The following PDE10A variants were observed in gnomAD, a reference collection of about 807,000 sequenced individuals.
PDE10A encodes the protein cAMP and cAMP-inhibited cGMP 3',5'-cyclic phosphodiesterase 10A.
In PDE10A, 39 loss-of-function variants were observed where a neutral mutation model predicts 97.7. The observed-to-expected ratio is 0.40, with a 90% CI of 0.31 to 0.52. The LOEUF (loss-of-function observed/expected upper bound fraction) is 0.52. Ranked by LOEUF, PDE10A falls within the 20% of genes least tolerant of loss-of-function variation. PDE10A has a pLI of 0.56. For missense variants in PDE10A, 731 were observed against 1,047.8 expected (o/e 0.70, Z 4.17); for synonymous variants, 371 against 376.8 (o/e 0.98, Z 0.18).
chr6:165,377,190 T>C (rs535249843), intron 18 of PDE10A, among the ~76,000 whole-genome samples: 41 of 152,158 alleles, frequency 2.7e-4, no homozygotes, highest in Non-Finnish European at 3.4e-4. Flanking sequence ...CCAAAAAGTT[T>C]GTGTGACTTG....
chr6:165,366,936 C>T (rs1224680959), intron 18 of PDE10A, among the ~76,000 whole-genome samples: 1 of 152,008 alleles, frequency 6.6e-6, no homozygotes, highest in Non-Finnish European at 1.5e-5. Context: ...GCTTGTTGCC[C>T]ATTATGTAAT....
chr6:165,601,497 T>C (rs1786946806), intron 1 of PDE10A, among the ~76,000 whole-genome samples: 1 of 152,206 alleles, frequency 6.6e-6, no homozygotes, highest in Non-Finnish European at 1.5e-5. Flanking sequence ...ATACCAGCCC[T>C]ATGAGGTAGA....
At chr6:165,350,743 C>T (rs1023450107) in intron 18 of PDE10A, among the ~76,000 whole-genome samples, 10 of 152,122 alleles carry the variant, frequency 6.6e-5, no homozygotes, top group Non-Finnish European at 1.5e-4. Flanking sequence ...TTCCCCAATC[C>T]TCTTCTCATG....
intron 1 of PDE10A, among the ~76,000 whole-genome samples, chr6:165,735,567 C>T (rs1161243089): frequency 2.6e-5 from 4 of 152,062 alleles, no homozygotes; most frequent in East Asian, 3.9e-4. Flanking sequence ...AAATGATGTC[C>T]CTGTTTGAGT....
At chr6:165,580,593 T>C (rs1287906487) in intron 1 of PDE10A, among the ~76,000 whole-genome samples, 2 of 152,212 alleles carry the variant, frequency 1.3e-5, no homozygotes, top group East Asian at 1.9e-4. Flanking sequence ...AGTTGAGAGA[T>C]ATTTTAAAAA....
intron 1 of PDE10A, among the ~76,000 whole-genome samples, chr6:165,794,121 A>T (rs1052225976): frequency 2.4e-4 from 37 of 151,368 alleles, no homozygotes; most frequent in African/African-American, 8.5e-4. Flanking sequence ...AGGCATACAC[A>T]CACACACACA....
At chr6:165,953,278 G>A (rs546788313) in intron 1 of PDE10A, among the ~76,000 whole-genome samples, 1 of 152,200 alleles carries the variant, frequency 6.6e-6, no homozygotes, top group South Asian at 2.1e-4. Flanking sequence ...AAAGAAATTT[G>A]AGGGCTGTTT....
intron 2 of PDE10A, among the ~76,000 whole-genome samples, chr6:165,538,608 C>A (rs1470720145): frequency 6.6e-6 from 1 of 152,024 alleles, no homozygotes; most frequent in South Asian, 2.1e-4. Context: ...TCTTCATGCA[C>A]CCTTTCTAAT....
intron 2 of PDE10A, among the ~76,000 whole-genome samples, chr6:165,536,353 G>A (rs537565589): frequency 1.6e-4 from 24 of 151,752 alleles, no homozygotes; most frequent in African/African-American, 4.6e-4. Flanking sequence ...AAACTAAGAA[G>A]CTACCAGAAA....
At chr6:165,911,481 A>G (rs117144344) in intron 1 of PDE10A, among the ~76,000 whole-genome samples, 8,860 of 152,238 alleles carry the variant, frequency 0.058, 371 homozygotes, top group Middle Eastern at 0.099. Context: ...TTGAATCCCA[A>G]CTTTCATCTG....
At chr6:165,917,611 T>G (rs530155020) in intron 1 of PDE10A, among the ~76,000 whole-genome samples, 3 of 152,114 alleles carry the variant, frequency 2.0e-5, no homozygotes, top group African/African-American at 7.2e-5. Flanking sequence ...CTTCCTAAAA[T>G]GGTCAAAAGA....
At chr6:165,441,354 G>A (rs1366311514) in intron 5 of PDE10A, among the ~76,000 whole-genome samples, 3 of 152,246 alleles carry the variant, frequency 2.0e-5, no homozygotes, top group Non-Finnish European at 4.4e-5. Context: ...TCTTTGATGT[G>A]AGAAATAATT....
intron 13 of PDE10A, among the ~76,000 whole-genome samples, chr6:165,404,225 T>C (rs902806647): frequency 2.0e-5 from 3 of 152,174 alleles, no homozygotes; most frequent in Non-Finnish European, 4.4e-5. Context: ...CTGTGCTGTT[T>C]ATTTCATAGC....
chr6:165,440,107 T>C (rs1337428333), intron 5 of PDE10A, among the ~76,000 whole-genome samples: 1 of 152,154 alleles, frequency 6.6e-6, no homozygotes, highest in Non-Finnish European at 1.5e-5. Context: ...TTTTAGACAC[T>C]AGATGGCACT....
intron 1 of PDE10A, among the ~76,000 whole-genome samples, chr6:165,749,581 T>A (rs1232494049): frequency 6.9e-6 from 1 of 145,758 alleles, no homozygotes; most frequent in Non-Finnish European, 1.5e-5. Context: ...AGTAGGTAAC[T>A]CTAAATGCTC....
intron 1 of PDE10A, among the ~76,000 whole-genome samples, chr6:165,624,584 A>C (rs926103014): frequency 6.6e-6 from 1 of 152,200 alleles, no homozygotes; most frequent in Non-Finnish European, 1.5e-5. Context: ...TAAGTCACTG[A>C]GGCTGATTCC....
chr6:165,852,823 C>T (rs781661976), intron 1 of PDE10A, among the ~76,000 whole-genome samples: 67 of 152,218 alleles, frequency 4.4e-4, no homozygotes, highest in Non-Finnish European at 8.4e-4. Flanking sequence ...TTCTGAGCTC[C>T]ATCCTAGCTC....
chr6:165,600,729 G>GTA (rs1488260204), intron 1 of PDE10A, among the ~76,000 whole-genome samples: 1 of 152,094 alleles, frequency 6.6e-6, no homozygotes, highest in African/African-American at 2.4e-5. Flanking sequence ...AGTATGTGTT[G>GTA]TATAACGGCC....
chr6:165,967,308 C>T (rs1784539849), intron 1 of PDE10A, among the ~76,000 whole-genome samples: 1 of 152,202 alleles, frequency 6.6e-6, no homozygotes, highest in Non-Finnish European at 1.5e-5. Flanking sequence ...ACCAGCCTGG[C>T]CATCATGGTG....
Sources: gnomAD v4.1 joint callset for allele counts (sites outside exome capture counted in the v4.1 genomes callset) on GRCh38, gnomAD v4.1.1 for gene constraint, MANE v1.5 for transcripts, NCBI Gene and HGNC (gene_info 2026-07-23, HGNC 2026-07-21) for gene names.